RXFP1: variants seen among roughly 807,000 people sequenced by gnomAD.
RXFP1 encodes the protein relaxin family peptide receptor 1.
RXFP1 carries 73 observed loss-of-function variants against 89.8 expected under a neutral mutation model. The observed-to-expected ratio is 0.81, with a 90% CI of 0.67 to 0.99. The LOEUF is 0.99. RXFP1 is among the 50% of genes least tolerant of loss of function. The pLI, the probability that RXFP1 is intolerant of heterozygous loss-of-function variation, is 0.00. For missense variants in RXFP1, 793 were observed against 895.5 expected (o/e 0.89, Z 1.46); for synonymous variants, 277 against 305.5 (o/e 0.91, Z 0.97).
At chr4:158,528,964 C>G (rs1743289848) in intron 1 of RXFP1, among the ~76,000 whole-genome samples, 1 of 152,218 alleles carries the variant, frequency 6.6e-6, no homozygotes, top group Non-Finnish European at 1.5e-5. Flanking sequence ...AGAGGGCGGA[C>G]AGTGGAGGCC....
chr4:158,622,677 G>A (rs1279278417), intron 9 of RXFP1, among the ~76,000 whole-genome samples: 1 of 152,138 alleles, frequency 6.6e-6, no homozygotes, highest in Non-Finnish European at 1.5e-5. Flanking sequence ...TGAACACATA[G>A]AAACAGAGTA....
intron 1 of RXFP1, among the ~76,000 whole-genome samples, chr4:158,545,162 T>C (rs1747945379): frequency 6.6e-6 from 1 of 151,776 alleles, no homozygotes. Context: ...AGATGGTATC[T>C]CATTGTGGTT....
intron 9 of RXFP1, among the ~76,000 whole-genome samples, chr4:158,626,121 TA>T (rs1161141479): frequency 1.9e-5 from 2 of 103,516 alleles, no homozygotes; most frequent in African/African-American, 7.3e-5. Flanking sequence ...TATAGATAGA[TA>T]GATAGATAGA....
intron 4 of RXFP1, among the ~76,000 whole-genome samples, chr4:158,601,651 T>C (rs1456487111): frequency 2.0e-5 from 3 of 152,208 alleles, no homozygotes; most frequent in African/African-American, 4.8e-5. Context: ...TTATAGCACA[T>C]ACATTAAAAA....
chr4:158,630,091 A>G (rs1767741829), intron 11 of RXFP1, among the ~76,000 whole-genome samples: 1 of 152,228 alleles, frequency 6.6e-6, no homozygotes, highest in South Asian at 2.1e-4. Context: ...TCAAGAAGTT[A>G]CAATGTGTTT....
At chr4:158,536,910 T>G (rs1745401444) in intron 1 of RXFP1, among the ~76,000 whole-genome samples, 1 of 152,154 alleles carries the variant, frequency 6.6e-6, no homozygotes, top group East Asian at 1.9e-4. Context: ...CTAGATAGCG[T>G]TTACACTTAT....
intron 3 of RXFP1, among the ~76,000 whole-genome samples, chr4:158,595,448 T>C (rs1157691479): frequency 6.6e-6 from 1 of 152,248 alleles, no homozygotes; most frequent in Admixed American, 6.5e-5. Flanking sequence ...CATATCCTTT[T>C]CGTAAAACCA....
chr4:158,604,755 C>T (rs1762271990), intron 4 of RXFP1, among the ~76,000 whole-genome samples: 2 of 152,132 alleles, frequency 1.3e-5, no homozygotes, highest in South Asian at 2.1e-4. Context: ...ACTGAGATGC[C>T]TTCTAATGTT....
chr4:158,554,415 A>G (rs1420836558), intron 1 of RXFP1, among the ~76,000 whole-genome samples: 1 of 152,190 alleles, frequency 6.6e-6, no homozygotes, highest in Non-Finnish European at 1.5e-5. Context: ...CACTGCTAGC[A>G]GTTTCATGTT....
At chr4:158,642,755 G>T (rs954836563) in intron 14 of RXFP1, among the ~76,000 whole-genome samples, 2 of 152,114 alleles carry the variant, frequency 1.3e-5, no homozygotes, top group Non-Finnish European at 2.9e-5. Flanking sequence ...GTTTGTATGG[G>T]GTAATTCCTG....
chr4:158,554,492 T>C (rs886677348), intron 1 of RXFP1, among the ~76,000 whole-genome samples: 27 of 152,208 alleles, frequency 1.8e-4, no homozygotes, highest in African/African-American at 6.0e-4. Flanking sequence ...AAGCAAACTA[T>C]ATATTTTTCA....
rs906554826 is a variant in RXFP1 at position 158,615,690 on chromosome 4, A to G, written c.681-1441A>G. On this transcript the variant is annotated intron_variant, in intron 8 of 17. Coordinates refer to ENST00000307765, the MANE Select transcript of RXFP1 (RefSeq NM_021634.4). Reference sequence around the variant, plus strand: ...CTGGGCAGGGTGGCTCACGTCTGTAATCTCATGCTTTGGGAGATTGAGGAG... The same window carrying G: ...CTGGGCAGGGTGGCTCACGTCTGTAGTCTCATGCTTTGGGAGATTGAGGAG... 2.0e-5 allele frequency among the ~76,000 whole-genome samples: 3 copies of G among 152,094 alleles called. No homozygotes were observed. The East Asian group carries it at 5.8e-4, about 29-fold the overall frequency.
At chr4:158,554,397 A>G (rs947193877) in intron 1 of RXFP1, among the ~76,000 whole-genome samples, 3 of 152,142 alleles carry the variant, frequency 2.0e-5, no homozygotes, top group African/African-American at 2.4e-5. Context: ...CAAATTCCCA[A>G]AGACGACCAC....
chr4:158,571,421 C>T (rs1450211619), intron 1 of RXFP1, among the ~76,000 whole-genome samples: 1 of 152,176 alleles, frequency 6.6e-6, no homozygotes, highest in Admixed American at 6.5e-5. Flanking sequence ...AATCCCAGCA[C>T]TTTGGGAGGC....
intron 1 of RXFP1, among the ~76,000 whole-genome samples, chr4:158,524,241 A>G (rs11940862): frequency 0.34 from 51,345 of 151,990 alleles, 8,766 homozygotes; most frequent in Middle Eastern, 0.41. Context: ...ATGCTTTCAG[A>G]GCCCGTGCTC....
chr4:158,523,815 T>G (rs144066275), intron 1 of RXFP1, among the ~76,000 whole-genome samples: 1 of 152,188 alleles, frequency 6.6e-6, no homozygotes, highest in Non-Finnish European at 1.5e-5. Flanking sequence ...CCTGGGCACA[T>G]AGCAATGGAA....
At chr4:158,571,347 G>A (rs1755016104) in intron 1 of RXFP1, among the ~76,000 whole-genome samples, 1 of 152,172 alleles carries the variant, frequency 6.6e-6, no homozygotes, top group East Asian at 1.9e-4. Context: ...TAATACAGGA[G>A]TTATTAAGAA....
intron 2 of RXFP1, among the ~76,000 whole-genome samples, chr4:158,575,906 G>T (rs560403103): frequency 6.6e-6 from 1 of 151,966 alleles, no homozygotes; most frequent in Non-Finnish European, 1.5e-5. Flanking sequence ...ATGATTCTTG[G>T]GGTCAGCAAT....
At chr4:158,568,474 T>A (rs1241916855) in intron 1 of RXFP1, among the ~76,000 whole-genome samples, 1 of 152,130 alleles carries the variant, frequency 6.6e-6, no homozygotes, top group Non-Finnish European at 1.5e-5. Flanking sequence ...ATTAAAGAAT[T>A]TTTCTTAAAA....
Sources: gnomAD v4.1 joint callset for allele counts (sites outside exome capture counted in the v4.1 genomes callset) on GRCh38, gnomAD v4.1.1 for gene constraint, MANE v1.5 for transcripts, NCBI Gene and HGNC (gene_info 2026-07-23, HGNC 2026-07-21) for gene names.